Variants in KIF15 observed in about 807,000 individuals in gnomAD.
KIF15 encodes kinesin family member 15.
In KIF15, 140 loss-of-function variants were observed where a neutral mutation model predicts 190.6. The ratio of observed to expected loss-of-function variants is 0.73; its 90% CI spans 0.64 to 0.84. The LOEUF (loss-of-function observed/expected upper bound fraction) is 0.84, where lower values mean the gene tolerates loss of function less well. Ranked by LOEUF, KIF15 falls within the 40% of genes least tolerant of loss-of-function variation. The pLI is 0.00. For synonymous variants in KIF15, 528 were observed against 551.3 expected (o/e 0.96, Z 0.59); for missense variants, 1,372 against 1,584.4 (o/e 0.87, Z 2.28).
At chr3:44,862,193 C>T in intron 6 of KIF15, 1 of 136,116 alleles carries the variant, frequency 7.3e-6, no homozygotes, top group Non-Finnish European at 1.1e-5. Context: ...AGGGGCGCTG[C>T]GGGGCCCGCG....
chr3:44,834,103 TATTTTAGATTCATAC>T (rs1698197262), intron 26 of KIF15, among the ~76,000 whole-genome samples: 1 of 152,244 alleles, frequency 6.6e-6, no homozygotes, highest in Non-Finnish European at 1.5e-5. Flanking sequence ...TTAAATATCG[TATTTTAGATTCATAC>T]ATTTTAGATT....
chr3:44,853,605 T>C (rs1483582710), downstream of KIF15, among the ~76,000 whole-genome samples: 1 of 152,234 alleles, frequency 6.6e-6, no homozygotes, highest in Non-Finnish European at 1.5e-5. Context: ...AGCATGTCTT[T>C]ACTTTTTAAG....
chr3:44,834,889 C>T (rs1475802573), intron 26 of KIF15, among the ~76,000 whole-genome samples: 1 of 151,498 alleles, frequency 6.6e-6, no homozygotes, highest in Non-Finnish European at 1.5e-5. Flanking sequence ...GCCAAGATCG[C>T]GCCACTGCAC....
At chr3:44,802,666 A>G in intron 13 of KIF15, 148 bp from the exon 14 acceptor site, 1 of 686,084 alleles carries the variant, frequency 1.5e-6, no homozygotes. Flanking sequence ...ACTGATCACA[A>G]ATGCCAAGTT....
chr3:44,793,051 A>G (rs1706793878), intron 7 of KIF15, among the ~76,000 whole-genome samples: 1 of 152,226 alleles, frequency 6.6e-6, no homozygotes, highest in African/African-American at 2.4e-5. Flanking sequence ...GCAAAATCTC[A>G]GGCCCCACCT....
At chr3:44,817,818 A>C (rs1454020054) in intron 20 of KIF15, among the ~76,000 whole-genome samples, 3 of 152,188 alleles carry the variant, frequency 2.0e-5, no homozygotes, top group Non-Finnish European at 4.4e-5. Flanking sequence ...TTGAATCTAT[A>C]AAATTATCTT....
chr3:44,802,263 G>C (rs72875742), intron 13 of KIF15, among the ~76,000 whole-genome samples: 60 of 152,268 alleles, frequency 3.9e-4, no homozygotes, highest in African/African-American at 1.4e-3. Flanking sequence ...AGGCTCTTTA[G>C]GGTTGTGCCT....
chr3:44,851,139 G>A (rs561971589), intron 32 of KIF15, among the ~76,000 whole-genome samples: 1 of 152,272 alleles, frequency 6.6e-6, no homozygotes, highest in South Asian at 2.1e-4. Context: ...AGTGGTGCAT[G>A]CTGGTAGTCC....
At chr3:44,781,465 A>G (rs1706161371) in intron 5 of KIF15, among the ~76,000 whole-genome samples, 1 of 152,200 alleles carries the variant, frequency 6.6e-6, no homozygotes, top group Non-Finnish European at 1.5e-5. Context: ...TTTCCAGTCT[A>G]CTGTTGATAG....
rs745351593 is a variant in KIF15 at position 44,826,154 on chromosome 3, A to G, written c.2665A>G (p.Lys889Glu). Residue 889 changes from lysine to glutamate, a missense_variant, in exon 21 of 35, where the codon AAA (lysine) becomes GAA (glutamate). Physicochemically the swap from Lys to Glu is moderately conservative, Grantham distance 56. Transcript: ENST00000326047. ...ACTTTCAAGAAACCTCCAAAACTTCAAAAAAGAAAATGAAACTCTGAAATC... is the reference window on the plus strand; with the variant it reads ...ACTTTCAAGAAACCTCCAAAACTTCGAAAAAGAAAATGAAACTCTGAAATC... Reference protein sequence around the residue: ...DQLSRNLQNFKKENETLKSDL... With the variant: ...DQLSRNLQNFEKENETLKSDL... 36 of 1,577,182 alleles carry G rather than the reference A, an allele frequency of 2.3e-5. No homozygotes were observed. In the Admixed American group the frequency reaches 7.2e-4, roughly 32 times the overall value.
intron 20 of KIF15, among the ~76,000 whole-genome samples, chr3:44,821,023 G>T (rs1168484805): frequency 2.5e-3 from 8 of 3,238 alleles, no homozygotes; most frequent in Non-Finnish European, 3.3e-3. Context: ...CTGGCCGGGC[G>T]GGGGGGCTGA....
intron 8 of KIF15, among the ~76,000 whole-genome samples, chr3:44,796,382 G>C (rs1197720568): frequency 4.6e-5 from 7 of 152,236 alleles, no homozygotes; most frequent in Admixed American, 6.5e-5. Context: ...GCTTATAATA[G>C]GACATATACC....
At chr3:44,775,460 C>CA in intron 3 of KIF15, 23 bp downstream of exon 3, 1 of 1,343,606 alleles carries the variant, frequency 7.4e-7, no homozygotes, top group Non-Finnish European at 1.0e-6. Context: ...AGAAACTTAA[C>CA]TTTTTTTTTT....
intron 29 of KIF15, among the ~76,000 whole-genome samples, chr3:44,841,791 T>C (rs1176279239): frequency 6.6e-6 from 1 of 152,178 alleles, no homozygotes. Flanking sequence ...AGAAAAGTAT[T>C]CCTTCTACCC....
intron 17 of KIF15, among the ~76,000 whole-genome samples, chr3:44,811,364 G>C (rs1707774750): frequency 6.6e-6 from 1 of 152,196 alleles, no homozygotes; most frequent in Non-Finnish European, 1.5e-5. Context: ...AGTTAAAAGA[G>C]GCCGGGTGCG....
chr3:44,852,271 C>T lies in KIF15; in HGVS notation c.4036C>T (p.His1346Tyr), dbSNP rs1443050660. The T allele has an allele frequency of 6.2e-7, 1 of 1,613,168 alleles. No homozygotes were observed. Among genetic ancestry groups the T allele is most frequent in the South Asian group, 1.1e-5 (1 of 90,996 alleles). The change falls in exon 34 of 35, where the codon CAC (histidine) becomes TAC (tyrosine). Residue 1346 changes from histidine (H) to tyrosine (Y), a missense_variant. Physicochemically the swap from His to Tyr is moderately conservative, Grantham distance 83. Coordinates refer to ENST00000326047, the MANE Select transcript of KIF15 (RefSeq NM_020242.3). ...LAEENGKLVG[H>Y]QNLHQKIQYV... ...TGAGGAAAATGGAAAGTTGGTAGGT[C>T]ACCAAAATTTGCATCAGAAGATTCA...
Position 44,820,401 on chromosome 3 carries a change from G to A in KIF15, c.2549+5325G>A, listed in dbSNP as rs570887350. On this transcript the variant is annotated intron_variant, in intron 20 of 34. Coordinates refer to ENST00000326047, the MANE Select transcript of KIF15 (RefSeq NM_020242.3). ...CATTCTTGGGTGTTTCTCACAGAGGGGGATTTGGCAGGGTCACAGGACAAT... is the reference window on the plus strand; with the variant it reads ...CATTCTTGGGTGTTTCTCACAGAGGAGGATTTGGCAGGGTCACAGGACAAT... 8.2e-3 allele frequency among the ~76,000 whole-genome samples: 1,241 copies of A among 151,888 alleles called. 7 individuals carry two copies. Among genetic ancestry groups the A allele is most frequent in the African/African-American group, 0.028 (1,153 of 41,376 alleles).
intron 28 of KIF15, 149 bp from the exon 29 acceptor site, chr3:44,840,925 C>A: frequency 1.4e-6 from 1 of 712,258 alleles, no homozygotes; most frequent in Non-Finnish European, 2.3e-6. Context: ...CCGCCCACCT[C>A]GGCCTCCCAA....
chr3:44,858,716 G>A (rs533191204), intron 6 of KIF15, among the ~76,000 whole-genome samples: 2 of 152,318 alleles, frequency 1.3e-5, no homozygotes, highest in South Asian at 4.1e-4. Flanking sequence ...GTCCAAGTTG[G>A]CACCAGAGTT....
Sources: allele counts gnomAD v4.1 joint callset (sites outside exome capture counted in the v4.1 genomes callset), GRCh38; gene constraint gnomAD v4.1.1; transcripts MANE v1.5; gene names NCBI Gene and HGNC (gene_info 2026-07-23, HGNC 2026-07-21).